Variants in SCAMP4 observed in about 807,000 individuals in gnomAD.
SCAMP4 encodes secretory carrier-associated membrane protein 4.
Under a neutral mutation model 32.1 loss-of-function variants are expected in SCAMP4, and 19 were observed. That is an observed-to-expected ratio of 0.59 (90% CI 0.41 to 0.87). SCAMP4 has a LOEUF of 0.87. Ranked by LOEUF, SCAMP4 falls within the 40% of genes least tolerant of loss-of-function variation. SCAMP4 has a pLI of 0.00. For synonymous variants in SCAMP4, 152 were observed against 132.7 expected, an observed-to-expected ratio of 1.15 and a Z score of -1.00; for missense variants, 302 against 309.0, an observed-to-expected ratio of 0.98 and a Z score of 0.17.
Position 1,921,303 on chromosome 19 carries a change from C to T in SCAMP4, c.396-1767C>T, listed in dbSNP as rs1040474481. 25 of 985,304 alleles carry T rather than the reference C, an allele frequency of 2.5e-5. No individual in the cohort carries two copies. The East Asian group carries it at 3.4e-4, about 13-fold the overall frequency. 61.0% of individuals were successfully genotyped at this position (985,304 alleles called of 1,614,324 possible). On this transcript the variant is annotated intron_variant, in intron 5 of 6. Coordinates refer to ENST00000316097, the MANE Select transcript of SCAMP4 (RefSeq NM_079834.4). ...ACCAGCGTCACCTCCCCAGGGGTGA[C>T]GCATGCCCGAGGCCATGAGCCACGG...
In SCAMP4 at chr19:1,908,815, C is replaced by A. The variant is rs35608810; in HGVS notation, c.-42+3376C>A. On this transcript the variant is annotated intron_variant, in intron 1 of 6. Transcript: ENST00000316097. This position sits in a 1 kb window ranked among gnomAD's most constrained non-coding sequence, Gnocchi z 4.2. ...TGCCCAACTAATTTATACTTTTAAG[C>A]AATGTGGGCTGGGCACGGTGGCTCA... 0.11 allele frequency among the ~76,000 whole-genome samples: 16,133 copies of A among 152,096 alleles called. 1,395 individuals carry two copies. The highest frequency in any genetic ancestry group is 0.23 in the African/African-American group (9,499 of 41,458).
chr19:1,923,139 C>A lies in SCAMP4; in HGVS notation c.465C>A (p.Ala155=). 3 of 1,553,072 alleles carry A rather than the reference C, an allele frequency of 1.9e-6. No individual in the cohort carries two copies. In the East Asian group the frequency reaches 7.3e-5, roughly 38 times the overall value. The change falls in exon 6 of 7, where the codon GCC becomes GCA. Residue 155 remains alanine (A), a synonymous_variant. Transcript: ENST00000316097. ...CTGCCGTGGTCATGCTGCTTCCAGC[C>A]ATCATGTTCTCCGTGTCGGCTGCCA... ...PGAAVVMLLP[A]IMFSVSAAMM... is the part of the protein sequence containing the mutation.
chr19:1,918,673 A>G, intron 4 of SCAMP4: 1 of 686,398 alleles, frequency 1.5e-6, no homozygotes, highest in Admixed American at 3.1e-5. Context: ...GAGGCAAGAG[A>G]ATCGCTTGAA....
intron 6 of SCAMP4, among the ~76,000 whole-genome samples, chr19:1,923,637 T>TTTA (rs1555840379): frequency 8.3e-4 from 123 of 148,672 alleles, no homozygotes; most frequent in Non-Finnish European, 1.4e-3. Flanking sequence ...TTTTTTTTTT[T>TTTA]AGACAGAGTC....
chr19:1,923,819 T>A (rs12972686), intron 6 of SCAMP4, among the ~76,000 whole-genome samples: 1 of 129,628 alleles, frequency 7.7e-6, no homozygotes, highest in Non-Finnish European at 1.6e-5. Flanking sequence ...TAGAGACAGG[T>A]TTTCACCGTG....
intron 5 of SCAMP4, chr19:1,920,580 A>G: frequency 1.0e-6 from 1 of 984,452 alleles, no homozygotes; most frequent in Non-Finnish European, 1.2e-6. Flanking sequence ...TCTGAGTTAG[A>G]GTCATAGTGA....
intron 1 of SCAMP4, chr19:1,913,162 C>T (rs2013589689): frequency 6.6e-7 from 1 of 1,525,036 alleles, no homozygotes; most frequent in African/African-American, 1.4e-5. Flanking sequence ...GCGCCGCCCT[C>T]CTGCCTCCGG....
At chr19:1,923,841 G>A (rs1412971673) in intron 6 of SCAMP4, among the ~76,000 whole-genome samples, 1 of 133,146 alleles carries the variant, frequency 7.5e-6, no homozygotes, top group Non-Finnish European at 1.5e-5. Flanking sequence ...TAGCCAGGAT[G>A]GTCTCAATCT....
chr19:1,910,080 A>G (rs2013357204), intron 1 of SCAMP4, among the ~76,000 whole-genome samples: 1 of 151,826 alleles, frequency 6.6e-6, no homozygotes, highest in Non-Finnish European at 1.5e-5. Flanking sequence ...TGCATAGCAG[A>G]CTCCGTGCAT....
intron 2 of SCAMP4, among the ~76,000 whole-genome samples, chr19:1,916,502 A>G (rs890734368): frequency 1.1e-4 from 17 of 152,180 alleles, no homozygotes; most frequent in African/African-American, 4.1e-4. Context: ...GGTCTCTCCC[A>G]GGCTGGAGTG....
chr19:1,918,835 C>T (rs987697639), intron 4 of SCAMP4, 54 bp from the exon 5 acceptor site: 84 of 1,561,796 alleles, frequency 5.4e-5, no homozygotes, highest in East Asian at 1.9e-4. Flanking sequence ...TCTCTAGGCG[C>T]GTCTGGGAGA....
rs1207661163 is a variant in SCAMP4 at position 1,908,982 on chromosome 19, G to A, written c.-42+3543G>A. On this transcript the variant is annotated intron_variant, in intron 1 of 6. Transcript: ENST00000316097. The surrounding 1 kb of genome is among the most constrained non-coding windows in gnomAD (Gnocchi z 4.2). ...TAGCCGGGCGTGGTGGCATGTGCCTGTATTCCCAGCTACTAGGGGGGCTGA... is the reference window on the plus strand; with the variant it reads ...TAGCCGGGCGTGGTGGCATGTGCCTATATTCCCAGCTACTAGGGGGGCTGA... Among the ~76,000 whole-genome samples, 1 of 152,096 alleles carries A rather than the reference G, an allele frequency of 6.6e-6. No homozygotes were observed. Among genetic ancestry groups the A allele is most frequent in the Non-Finnish European group, 1.5e-5 (1 of 68,022 alleles).
chr19:1,922,293 T>A lies in SCAMP4; in HGVS notation c.396-777T>A, dbSNP rs1052074041. ...TTTTTATTTTGAGACAGAATCTTGC[T>A]CTGTCCCCCAGGCTGGAGAGCAACG... On this transcript the variant is annotated intron_variant, in intron 5 of 6. Transcript: ENST00000316097. 3 of 980,234 alleles carry A rather than the reference T, an allele frequency of 3.1e-6. No homozygotes were observed. In the African/African-American group the frequency reaches 5.3e-5, roughly 17 times the overall value. 60.7% of individuals were successfully genotyped at this position (980,234 alleles called of 1,614,324 possible).
intron 6 of SCAMP4, 51 bp from the exon 7 acceptor site, chr19:1,924,057 G>T: frequency 6.5e-7 from 1 of 1,536,190 alleles, no homozygotes; most frequent in Non-Finnish European, 8.8e-7. Context: ...CCCGTGCCCG[G>T]CCGCCATGCT....
intron 5 of SCAMP4, chr19:1,920,058 G>A (rs1260430391): frequency 2.1e-5 from 16 of 745,540 alleles, no homozygotes; most frequent in Admixed American, 6.3e-5. Flanking sequence ...TGATCCACCC[G>A]CCTCGGCCTC....
chr19:1,924,284 G>C lies in SCAMP4; in HGVS notation c.690G>C (p.Ter230TyrextTer108). The C allele has an allele frequency of 6.3e-7, 1 of 1,587,072 alleles. No homozygotes were observed. Among genetic ancestry groups the C allele is most frequent in the Non-Finnish European group, 8.6e-7 (1 of 1,168,472 alleles). ...ACCCGGGCAGTGGCCAGTGGCCTTA[G>C]AGGGAGCCTGCCCTGCCCCCACCGC... ...PSYPGSGQWP* is the reference protein window; with the variant it reads ...PSYPGSGQWPY The change falls in exon 7 of 7, where the codon TAG becomes TAC. Residue 230 changes from the stop codon to tyrosine (Y), a stop_lost. Coordinates refer to ENST00000316097, the MANE Select transcript of SCAMP4 (RefSeq NM_079834.4).
intron 4 of SCAMP4, 96 bp downstream of exon 4, chr19:1,918,379 T>A: frequency 7.6e-7 from 1 of 1,318,842 alleles, no homozygotes; most frequent in Non-Finnish European, 1.0e-6. Context: ...TGTCCCTTTC[T>A]CTGCCCAGTG....
chr19:1,919,121 T>C (rs1442454875), intron 5 of SCAMP4, 131 bp downstream of exon 5: 7 of 1,490,666 alleles, frequency 4.7e-6, no homozygotes, highest in Non-Finnish European at 5.4e-6. Context: ...GGGAGGGGTC[T>C]GAGCTCACCC....
intron 1 of SCAMP4, chr19:1,912,953 G>C (rs2013565380): frequency 3.7e-6 from 6 of 1,610,312 alleles, no homozygotes; most frequent in Non-Finnish European, 5.1e-6. Context: ...ACCTGTACGT[G>C]ACCCGCGAGC....
Sources: gnomAD v4.1 joint callset for allele counts (sites outside exome capture counted in the v4.1 genomes callset) on GRCh38, gnomAD v4.1.1 for gene constraint, Gnocchi (gnomAD v3.1) non-coding constraint, MANE v1.5 for transcripts, NCBI Gene and HGNC (gene_info 2026-07-23, HGNC 2026-07-21) for gene names.